ADGRF3: variants seen among roughly 807,000 people sequenced by gnomAD.
The protein encoded by ADGRF3 is G protein-coupled receptor 113.
Under a neutral mutation model 93.2 loss-of-function variants are expected in ADGRF3, and 85 were observed. The ratio of observed to expected loss-of-function variants is 0.91; its 90% CI spans 0.77 to 1.09. ADGRF3 has a LOEUF of 1.09. ADGRF3 is among the 50% of genes least tolerant of loss of function. The pLI, the probability that ADGRF3 is intolerant of heterozygous loss-of-function variation, is 0.00. For missense variants in ADGRF3, 1,125 were observed against 1,246.2 expected, an observed-to-expected ratio of 0.90 and a Z score of 1.46; for synonymous variants, 534 against 532.5, an observed-to-expected ratio of 1.00 and a Z score of -0.04.
rs555345744 is a variant in ADGRF3, at chr2:26,322,858, C to A, written c.115-5296G>T. ...TAAAAATATCATATCTGGCTGGGTGCAGTGGCTCACTCCTGTAATCTAATC... is the reference window on the plus strand; with the variant it reads ...TAAAAATATCATATCTGGCTGGGTGAAGTGGCTCACTCCTGTAATCTAATC... On this transcript the variant is annotated intron_variant, in intron 1 of 13. Transcript: ENST00000651242. Among the ~76,000 whole-genome samples, 26 of 152,194 alleles carry A rather than the reference C, an allele frequency of 1.7e-4. 1 individual carries two copies. The South Asian group carries it at 5.0e-3, about 29-fold the overall frequency.
chr2:26,317,921 G>T lies in ADGRF3; in HGVS notation c.115-359C>A, dbSNP rs569642344. 30 of 1,013,348 alleles carry T rather than the reference G, an allele frequency of 3.0e-5. No individual in the cohort carries two copies. The South Asian group carries it at 3.9e-4, about 13-fold the overall frequency. 62.8% of individuals were successfully genotyped at this position (1,013,348 alleles called of 1,614,324 possible). ...GCTGGCTGGGGCCCAGGCGCTTGGG[G>T]AGTTTATTCCTTCTGTAGGATTTGA... On this transcript the variant is annotated intron_variant, in intron 1 of 13. Transcript: ENST00000651242.
At chr2:26,345,865 CT>C in intron 1 of ADGRF3, 1 of 494,242 alleles carries the variant, frequency 2.0e-6, no homozygotes, top group East Asian at 3.5e-5. Context: ...CTTTCACCCC[CT>C]CTCTTGCCTT....
rs530265216 is a variant in ADGRF3, at chr2:26,311,593, G to A, written c.1931C>T (p.Ser644Phe). The A allele has an allele frequency of 6.2e-7, 1 of 1,613,840 alleles. No individual in the cohort carries two copies. The highest frequency in any genetic ancestry group is 1.3e-5 in the African/African-American group (1 of 75,052). Residue 644 changes from serine (S) to phenylalanine (F), a missense_variant, in exon 10 of 14, where the codon TCC becomes TTC. Transcript: ENST00000651242. ...GTGATCCCAGAAGACACAGTGAGGG[G>A]AACCATCTGTGTTCCCAAAGTCCAT... ...VIMDFGNTDG[S>F]PHCVFWDHSL...
intron 8 of ADGRF3, 99 bp downstream of exon 8, chr2:26,313,278 G>A: frequency 7.0e-7 from 1 of 1,433,434 alleles, no homozygotes; most frequent in Non-Finnish European, 9.5e-7. Context: ...TGAACAGCCT[G>A]TGGGCTGGGC....
chr2:26,346,405 G>C lies in ADGRF3; in HGVS notation c.-171C>G, dbSNP rs1054586407. 2.1e-5 allele frequency: 27 copies of C among 1,301,578 alleles called. No individual in the cohort carries two copies. The highest frequency in any genetic ancestry group is 6.2e-5 in the Admixed American group (2 of 32,508). The allele number at this position is 1,301,578 out of a possible 1,614,324, so 80.6% of individuals were successfully genotyped here. On this transcript the variant is annotated 5_prime_UTR_variant, in exon 1 of 14. Transcript: ENST00000651242. Reference sequence around the variant, plus strand: ...GCCGCGTGGCTCCGGGCGGGCTGGCGGGCGTTCCTCCGGAGGTCCTGCGGG... The same window carrying C: ...GCCGCGTGGCTCCGGGCGGGCTGGCCGGCGTTCCTCCGGAGGTCCTGCGGG...
At chr2:26,326,342 C>A (rs982737688) in intron 1 of ADGRF3, among the ~76,000 whole-genome samples, 1 of 152,102 alleles carries the variant, frequency 6.6e-6, no homozygotes, top group African/African-American at 2.4e-5. Context: ...GGTCAGAAAT[C>A]CCTCTCTGTT....
rs1210661033 is a variant in ADGRF3, at chr2:26,315,633, G to T, written c.607C>A (p.His203Asn). Reference protein sequence around the residue: ...EATNLSWFLRHPGSPSPILLQ... With the variant: ...EATNLSWFLRNPGSPSPILLQ... ...AGGATGGGACTGGGGCTCCCTGGGTGCCTCAGGAACCAGCTCAGGTTGGTG... is the reference window on the plus strand; with the variant it reads ...AGGATGGGACTGGGGCTCCCTGGGTTCCTCAGGAACCAGCTCAGGTTGGTG... Residue 203 changes from histidine to asparagine, a missense_variant, in exon 5 of 14, where the codon CAC becomes AAC. His to Asn is a moderately conservative substitution (Grantham distance 68). Transcript: ENST00000651242. The T allele has an allele frequency of 6.4e-7, 1 of 1,551,518 alleles. No individual in the cohort carries two copies. The highest frequency in any genetic ancestry group is 8.7e-7 in the Non-Finnish European group (1 of 1,147,004).
chr2:26,321,236 C>T lies in ADGRF3; in HGVS notation c.115-3674G>A, dbSNP rs555936849. 1.4e-4 allele frequency among the ~76,000 whole-genome samples: 22 copies of T among 152,216 alleles called. No homozygotes were observed. In the East Asian group the frequency reaches 3.9e-3, roughly 27 times the overall value. ...GGGCAAATACACTCATGGGAGCAAT[C>T]GCTCTTGTAAATAGCTGATTTCAGA... is the stretch of plus-strand genomic sequence containing the variant. On this transcript the variant is annotated intron_variant, in intron 1 of 13. Coordinates refer to ENST00000651242, the MANE Select transcript of ADGRF3 (RefSeq NM_001321971.2).
intron 1 of ADGRF3, among the ~76,000 whole-genome samples, chr2:26,324,068 C>T (rs1675304912): frequency 6.6e-6 from 1 of 152,084 alleles, no homozygotes; most frequent in South Asian, 2.1e-4. Context: ...CATGACAAAA[C>T]CTCAATATGG....
intron 1 of ADGRF3, among the ~76,000 whole-genome samples, chr2:26,336,722 T>TAAAAAAAAAAAAAA: frequency 4.5e-5 from 1 of 22,050 alleles, no homozygotes; most frequent in Non-Finnish European, 1.1e-4. Flanking sequence ...TGAGACTCCA[T>TAAAAAAAAAAAAAA]AAAAAAAAAA....
At chr2:26,322,222 C>T (rs1675191031) in intron 1 of ADGRF3, among the ~76,000 whole-genome samples, 1 of 144,068 alleles carries the variant, frequency 6.9e-6, no homozygotes, top group Non-Finnish European at 1.5e-5. Flanking sequence ...GTGGAGGTTG[C>T]AGTGAGCCGA....
At chr2:26,340,681 T>C (rs1216124786) in intron 1 of ADGRF3, among the ~76,000 whole-genome samples, 1 of 151,984 alleles carries the variant, frequency 6.6e-6, no homozygotes, top group Non-Finnish European at 1.5e-5. Flanking sequence ...CAGTTCTGCT[T>C]CCGTTTTAGT....
intron 9 of ADGRF3, 151 bp downstream of exon 9, chr2:26,312,792 G>A (rs1365358698): frequency 4.3e-6 from 3 of 695,040 alleles, no homozygotes; most frequent in Non-Finnish European, 7.1e-6. Flanking sequence ...TGTCTGAGAG[G>A]AGAAATGGAT....
At chr2:26,309,249 G>C in intron 13 of ADGRF3, 142 bp from the exon 14 acceptor site, 1 of 1,589,198 alleles carries the variant, frequency 6.3e-7, no homozygotes, top group Non-Finnish European at 8.6e-7. Flanking sequence ...AATGTGAAAA[G>C]GAATTTTCAG....
At chr2:26,319,029 TG>T in intron 1 of ADGRF3, 1 of 1,551,296 alleles carries the variant, frequency 6.4e-7, no homozygotes, top group Non-Finnish European at 8.7e-7. Context: ...GGAGCAGCAG[TG>T]GGGCAGCCGA....
chr2:26,316,336 C>A lies in ADGRF3; in HGVS notation c.438G>T (p.Gln146His), dbSNP rs79188484. Reference protein sequence around the residue: ...YPPCQSLHNHQPCGCLVFSHP... With the variant: ...YPPCQSLHNHHPCGCLVFSHP... ...GGCTGAAGACAAGGCAGCCACAAGG[C>A]TGGTGGTTGTGGAGGCTTTGACAAG... The change falls in exon 4 of 14, where the codon CAG becomes CAT. Residue 146 changes from glutamine (Q) to histidine (H), a missense_variant. Transcript: ENST00000651242. 6,585 of 1,551,928 alleles carry A rather than the reference C, an allele frequency of 4.2e-3. 221 individuals are homozygous for A. In the African/African-American group the frequency reaches 0.08, roughly 19 times the overall value.
intron 1 of ADGRF3, among the ~76,000 whole-genome samples, chr2:26,323,452 A>G (rs1675268666): frequency 6.6e-6 from 1 of 152,098 alleles, no homozygotes; most frequent in South Asian, 2.1e-4. Context: ...GGCTGCTAGT[A>G]AGCAGTGCTC....
intron 9 of ADGRF3, 39 bp from the exon 10 acceptor site, chr2:26,312,113 C>T (rs112825174): frequency 0.03 from 46,219 of 1,560,080 alleles, 1,510 homozygotes; most frequent in African/African-American, 0.16. Context: ...CGTCTGCTGG[C>T]GCCCACAGGA....
chr2:26,314,370 C>T (rs761295368), intron 6 of ADGRF3, 44 bp downstream of exon 6: 6 of 1,549,604 alleles, frequency 3.9e-6, no homozygotes, highest in Non-Finnish European at 5.3e-6. Context: ...GAGACAGCTG[C>T]CCCCTGGTCC....
Sources: allele counts gnomAD v4.1 joint callset (sites outside exome capture counted in the v4.1 genomes callset), GRCh38; gene constraint gnomAD v4.1.1; transcripts MANE v1.5; gene names NCBI Gene and HGNC (gene_info 2026-07-23, HGNC 2026-07-21).